MYO1D: variants seen among roughly 807,000 people sequenced by gnomAD.
MYO1D encodes myosin ID.
In MYO1D, 83 loss-of-function variants were observed where a neutral mutation model predicts 122.0. That is an observed-to-expected ratio of 0.68 (90% CI 0.57 to 0.82). MYO1D has a LOEUF of 0.82. MYO1D is among the 40% of genes least tolerant of loss of function. The pLI is 0.00. For synonymous variants in MYO1D, 464 were observed against 446.9 expected, an observed-to-expected ratio of 1.04 and a Z score of -0.48; for missense variants, 1,157 against 1,269.5, an observed-to-expected ratio of 0.91 and a Z score of 1.35.
chr17:32,875,828 C>T lies in MYO1D; in HGVS notation c.95+950G>A, dbSNP rs140933053. ...CTATAAACCTTAGAAGAAATGCAGC[C>T]AAAGCTTGCAGGGAAACATACACAC... On this transcript the variant is annotated intron_variant, in intron 1 of 21. Coordinates refer to ENST00000318217, the MANE Select transcript of MYO1D (RefSeq NM_015194.3). Among the ~76,000 whole-genome samples the T allele has an allele frequency of 3.4e-3, 511 of 152,254 alleles. 4 individuals are homozygous for T. Among genetic ancestry groups the T allele is most frequent in the East Asian group, 0.031 (160 of 5,188 alleles).
chr17:32,545,817 C>G (rs1190003578), intron 21 of MYO1D, among the ~76,000 whole-genome samples: 1 of 150,688 alleles, frequency 6.6e-6, no homozygotes, highest in Non-Finnish European at 1.5e-5. Context: ...CTCTACAATA[C>G]TGAAGAACAG....
At chr17:32,649,567 C>CTTTTTTTTTTTTTT (rs35514290) in intron 19 of MYO1D, among the ~76,000 whole-genome samples, 13 of 94,078 alleles carry the variant, frequency 1.4e-4, no homozygotes, top group East Asian at 2.6e-4. Context: ...TTCTTTCTTT[C>CTTTTTTTTTTTTTT]TTTTTTTTTT....
intron 21 of MYO1D, among the ~76,000 whole-genome samples, chr17:32,602,940 G>A (rs530892113): frequency 6.6e-6 from 1 of 152,148 alleles, no homozygotes; most frequent in East Asian, 1.9e-4. Context: ...TTCCCAAAAA[G>A]TAAATAGTAA....
chr17:32,807,895 T>C (rs1351830962), intron 1 of MYO1D, among the ~76,000 whole-genome samples: 3 of 152,216 alleles, frequency 2.0e-5, no homozygotes, highest in African/African-American at 4.8e-5. Context: ...CACATTACCA[T>C]ATTTGCATAC....
At chr17:32,580,064 T>C (rs2087317169) in intron 21 of MYO1D, among the ~76,000 whole-genome samples, 1 of 152,178 alleles carries the variant, frequency 6.6e-6, no homozygotes, top group African/African-American at 2.4e-5. Context: ...TGCCAAACTG[T>C]TCCCACCATG....
intron 1 of MYO1D, among the ~76,000 whole-genome samples, chr17:32,813,820 T>A (rs577343765): frequency 2.0e-5 from 3 of 152,272 alleles, no homozygotes; most frequent in East Asian, 3.9e-4. Flanking sequence ...CACTAGAGCA[T>A]GGTGGTAGTC....
chr17:32,541,943 C>T (rs1186871788), intron 21 of MYO1D, among the ~76,000 whole-genome samples: 1 of 152,162 alleles, frequency 6.6e-6, no homozygotes, highest in Non-Finnish European at 1.5e-5. Flanking sequence ...CCTCCCCTAA[C>T]TTCACCCGGC....
intron 21 of MYO1D, among the ~76,000 whole-genome samples, chr17:32,525,466 A>G (rs974520902): frequency 6.6e-6 from 1 of 150,448 alleles, no homozygotes; most frequent in African/African-American, 2.5e-5. Context: ...TTTTTTTTTC[A>G]GGTAATAACC....
intron 21 of MYO1D, among the ~76,000 whole-genome samples, chr17:32,604,254 A>G (rs1280203969): frequency 2.0e-5 from 3 of 151,986 alleles, no homozygotes; most frequent in Non-Finnish European, 4.4e-5. Flanking sequence ...AATGTCTTTT[A>G]GGAAGAAAAA....
rs569413413 is a variant in MYO1D at position 32,623,649 on chromosome 17, T to C, written c.2709+15073A>G. Among the ~76,000 whole-genome samples the C allele has an allele frequency of 2.0e-5, 3 of 152,322 alleles. No individual in the cohort carries two copies. The East Asian group carries it at 5.8e-4, about 29-fold the overall frequency. On this transcript the variant is annotated intron_variant, in intron 20 of 21. Coordinates refer to ENST00000318217, the MANE Select transcript of MYO1D (RefSeq NM_015194.3). ...ACAGATACGCGATCATGAGGCTTTC[T>C]AGAAAACACACACTCTCTCCAACTC... is the stretch of plus-strand genomic sequence containing the variant.
chr17:32,607,683 G>A (rs1422947995), intron 20 of MYO1D, among the ~76,000 whole-genome samples: 1 of 151,944 alleles, frequency 6.6e-6, no homozygotes, highest in Non-Finnish European at 1.5e-5. Context: ...GTATGGAAAA[G>A]CAAAAGAACT....
chr17:32,873,998 C>T (rs1426022871), intron 1 of MYO1D, among the ~76,000 whole-genome samples: 3 of 152,166 alleles, frequency 2.0e-5, no homozygotes, highest in African/African-American at 7.2e-5. Context: ...CACCCAGAGT[C>T]AGCTTTCATG....
At chr17:32,708,084 T>C (rs2089330622) in intron 16 of MYO1D, among the ~76,000 whole-genome samples, 1 of 152,204 alleles carries the variant, frequency 6.6e-6, no homozygotes, top group African/African-American at 2.4e-5. Flanking sequence ...GTCCTGTGAA[T>C]CCTTCTAGTG....
At chr17:32,610,136 G>T (rs2087681845) in intron 20 of MYO1D, among the ~76,000 whole-genome samples, 1 of 152,118 alleles carries the variant, frequency 6.6e-6, no homozygotes, top group Non-Finnish European at 1.5e-5. Context: ...GACAGATTCG[G>T]CAAAGAACGC....
chr17:32,581,244 C>G (rs8073319), intron 21 of MYO1D, among the ~76,000 whole-genome samples: 6,814 of 152,122 alleles, frequency 0.045, 497 homozygotes, highest in African/African-American at 0.16. Context: ...GTATCACATT[C>G]TTTTGTTACG....
At chr17:32,641,740 A>C (rs968807416) in intron 19 of MYO1D, among the ~76,000 whole-genome samples, 1 of 152,108 alleles carries the variant, frequency 6.6e-6, no homozygotes, top group Non-Finnish European at 1.5e-5. Flanking sequence ...TTCTTTTGAG[A>C]AGTGTCTGTT....
At chr17:32,781,029 G>A (rs1361765296) in intron 1 of MYO1D, among the ~76,000 whole-genome samples, 1 of 152,174 alleles carries the variant, frequency 6.6e-6, no homozygotes, top group African/African-American at 2.4e-5. Context: ...ACTTGTTGGA[G>A]GCTGGGATTT....
At chr17:32,624,726 G>GT (rs543572119) in intron 20 of MYO1D, among the ~76,000 whole-genome samples, 2 of 149,768 alleles carry the variant, frequency 1.3e-5, no homozygotes, top group African/African-American at 5.0e-5. Flanking sequence ...TAAAGGTGCT[G>GT]TTTTTTCCCC....
Position 32,775,980 on chromosome 17 carries a change from T to C in MYO1D, c.448A>G (p.Asn150Asp). 6.2e-7 allele frequency: 1 copy of C among 1,613,970 alleles called. No individual in the cohort carries two copies. The highest frequency in any genetic ancestry group is 8.5e-7 in the Non-Finnish European group (1 of 1,179,918). Residue 150 changes from asparagine (N) to aspartate (D), a missense_variant, in exon 4 of 22, where the codon AAT becomes GAT. Coordinates refer to ENST00000318217, the MANE Select transcript of MYO1D (RefSeq NM_015194.3). Reference protein sequence around the residue: ...KSNCVLEAFGNAKTNRNDNSS... With the variant: ...KSNCVLEAFGDAKTNRNDNSS... ...TTGTCATTACGGTTGGTTTTGGCATTTCCAAAAGCTTCCAAAACACAGTTG... is the reference window on the plus strand; with the variant it reads ...TTGTCATTACGGTTGGTTTTGGCATCTCCAAAAGCTTCCAAAACACAGTTG...
Sources: allele counts gnomAD v4.1 joint callset (sites outside exome capture counted in the v4.1 genomes callset), GRCh38; gene constraint gnomAD v4.1.1; transcripts MANE v1.5; gene names NCBI Gene and HGNC (gene_info 2026-07-23, HGNC 2026-07-21).